The following CCL4L2 variants were observed in gnomAD, a reference collection of about 807,000 sequenced individuals.
CCL4L2 encodes the protein C-C motif chemokine ligand 4 like 2.
A neutral mutation model predicts 5.9 loss-of-function variants in CCL4L2; 3 were observed. That is an observed-to-expected ratio of 0.51 (90% CI 0.23 to 1.32). CCL4L2 has a LOEUF of 1.32. Ranked by LOEUF, CCL4L2 falls within the 40% of genes most tolerant of loss-of-function variation. CCL4L2 has a pLI of 0.18. For missense variants in CCL4L2, 74 were observed against 121.2 expected (o/e 0.61, Z 1.83); for synonymous variants, 36 against 47.6 (o/e 0.76, Z 1.00).
chr17:36,211,978 G>GC, intron 2 of CCL4L2, 88 bp downstream of exon 2: 1 of 1,408,612 alleles, frequency 7.1e-7, no homozygotes, highest in Non-Finnish European at 1.0e-6. Flanking sequence ...GGTGATGAGC[G>GC]TTGGGGAGGC....
chr17:36,212,039 AACTC>A (rs1268452584), intron 2 of CCL4L2, 149 bp downstream of exon 2: 1 of 1,011,006 alleles, frequency 9.9e-7, no homozygotes, highest in African/African-American at 1.4e-5. Flanking sequence ...ACAGGTCATG[AACTC>A]ACTTTTCAAG....
chr17:36,212,721 G>A lies in CCL4L2; in HGVS notation c.*298G>A. 1.0e-6 allele frequency: 1 copy of A among 986,474 alleles called. No homozygotes were observed. Among genetic ancestry groups the A allele is most frequent in the Non-Finnish European group, 1.6e-6 (1 of 639,296 alleles). 61.1% of individuals were successfully genotyped at this position (986,474 alleles called of 1,614,324 possible). ...TTTATGTGCTGTATTATTGTATTAGGTGTTATTTCCATTATTTATATTAGT... is the reference window on the plus strand; with the variant it reads ...TTTATGTGCTGTATTATTGTATTAGATGTTATTTCCATTATTTATATTAGT... On this transcript the variant is annotated 3_prime_UTR_variant, in exon 3 of 3. Coordinates refer to ENST00000617405, the MANE Select transcript of CCL4L2 (RefSeq NM_001291475.2).
chr17:36,212,473 G>T lies in CCL4L2; in HGVS notation c.*50G>T, dbSNP rs565571880. 6.3e-7 allele frequency: 1 copy of T among 1,581,382 alleles called. No individual in the cohort carries two copies. Among genetic ancestry groups the T allele is most frequent in the African/African-American group, 1.3e-5 (1 of 74,856 alleles). Reference sequence around the variant, plus strand: ...TGGGATTCTAATCTGTCTGCTCCTTGTTCTACGGATTCCAAACCAAAAGAG... The same window carrying T: ...TGGGATTCTAATCTGTCTGCTCCTTTTTCTACGGATTCCAAACCAAAAGAG... On this transcript the variant is annotated 3_prime_UTR_variant, in exon 3 of 3. Transcript: ENST00000617405.
In CCL4L2 at chr17:36,211,161, T is replaced by G; in HGVS notation, c.20T>G (p.Val7Gly). The G allele has an allele frequency of 1.9e-6, 3 of 1,581,738 alleles. No individual in the cohort carries two copies. The South Asian group carries it at 3.4e-5, about 18-fold the overall frequency. ...AATACCATGAAGCTCTGCGTGACTG[T>G]CCTGTCTCTCCTCGTGCTAGTAGCT... is the stretch of plus-strand genomic sequence containing the variant. Residue 7 changes from valine to glycine, a missense_variant, in exon 1 of 3, where the codon GTC becomes GGC. Val to Gly is a moderately radical substitution (Grantham distance 109, BLOSUM62 -3). Transcript: ENST00000617405.
intron 1 of CCL4L2, 131 bp downstream of exon 1, chr17:36,211,348 C>A (rs1462196508): frequency 8.6e-7 from 1 of 1,160,078 alleles, no homozygotes; most frequent in Non-Finnish European, 1.3e-6. Flanking sequence ...ATGTAGTCTG[C>A]TGCTAAATGT....
intron 2 of CCL4L2, 68 bp downstream of exon 2, chr17:36,211,958 T>C (rs1940132417): frequency 6.6e-7 from 1 of 1,504,502 alleles, no homozygotes; most frequent in African/African-American, 1.3e-5. Flanking sequence ...GGGGCCTGTT[T>C]TGGGGAGGGG....
chr17:36,212,007 C>G lies in CCL4L2; in HGVS notation c.191+117C>G, dbSNP rs536289013. On this transcript the variant is annotated intron_variant, in intron 2 of 2. Transcript: ENST00000617405. ...GGGAGGCAGCTCTCAGGGCTGAAGC[C>G]TTCCCTGACAGCAGTGAGGTCACAG... 19 of 1,213,304 alleles carry G rather than the reference C, an allele frequency of 1.6e-5. 1 individual carries two copies. In the South Asian group the frequency reaches 2.4e-4, roughly 15 times the overall value. The allele number at this position is 1,213,304 out of a possible 1,614,324, so 75.2% of individuals were successfully genotyped here.
chr17:36,212,320 G>C lies in CCL4L2; in HGVS notation c.209G>C (p.Gly70Ala), dbSNP rs1438842833. The stretch of plus-strand genomic sequence containing the variant: ...AAATCCAGTGAGTGGAAGTTACAGG[G>C]AGTCTGCTTCCAGTGCTGCTCCGGG... The change falls in exon 3 of 3, where the codon GGA becomes GCA. Residue 70 changes from glycine (G) to alanine (A), a missense_variant. Gly to Ala is a moderately conservative substitution (Grantham distance 60). Coordinates refer to ENST00000617405, the MANE Select transcript of CCL4L2 (RefSeq NM_001291475.2). 2.1e-6 allele frequency: 2 copies of C among 952,434 alleles called. No homozygotes were observed. The highest frequency in any genetic ancestry group is 3.4e-6 in the Non-Finnish European group (2 of 587,366). The allele number at this position is 952,434 out of a possible 1,614,324, so 59.0% of individuals were successfully genotyped here. A position where few individuals can be genotyped will look rare whatever the true frequency, so the allele number is the denominator to read the frequency against.
In CCL4L2 at chr17:36,212,580, G is replaced by T; in HGVS notation, c.*157G>T. On this transcript the variant is annotated 3_prime_UTR_variant, in exon 3 of 3. Transcript: ENST00000617405. ...CTGGAACTGAACTGAGCTGCTCAGA[G>T]ACAGGAAGTCTTCAGGGAAGGTCAC... 1 of 1,581,474 alleles carries T rather than the reference G, an allele frequency of 6.3e-7. No individual in the cohort carries two copies. Among genetic ancestry groups the T allele is most frequent in the Non-Finnish European group, 8.6e-7 (1 of 1,156,478 alleles).
intron 2 of CCL4L2, 55 bp downstream of exon 2, chr17:36,211,945 A>C: frequency 2.6e-6 from 4 of 1,534,988 alleles, no homozygotes; most frequent in Non-Finnish European, 3.6e-6. Context: ...TGGATTTTTA[A>C]AGGGGGCCTG....
intron 1 of CCL4L2, 186 bp from the exon 2 acceptor site, chr17:36,211,590 C>T (rs1181953858): frequency 3.5e-5 from 26 of 749,774 alleles, no homozygotes; most frequent in Non-Finnish European, 5.5e-5. Flanking sequence ...ATTTCTTTCT[C>T]GTTCTTCTCT....
At position 36,212,496 on chromosome 17, in the gene CCL4L2, G is replaced by C; in HGVS notation, c.*73G>C. Reference sequence around the variant, plus strand: ...TTGTTCTACGGATTCCAAACCAAAAGAGGCAAGCAAGTCTGCGCTGACCCC... The same window carrying C: ...TTGTTCTACGGATTCCAAACCAAAACAGGCAAGCAAGTCTGCGCTGACCCC... On this transcript the variant is annotated 3_prime_UTR_variant, in exon 3 of 3. Transcript: ENST00000617405. 1 of 1,581,394 alleles carries C rather than the reference G, an allele frequency of 6.3e-7. No homozygotes were observed. Among genetic ancestry groups the C allele is most frequent in the Admixed American group, 1.7e-5 (1 of 59,112 alleles).
chr17:36,212,040 A>T (rs1220924606), intron 2 of CCL4L2, 150 bp downstream of exon 2: 2 of 1,002,038 alleles, frequency 2.0e-6, no homozygotes, highest in East Asian at 4.9e-5. Flanking sequence ...CAGGTCATGA[A>T]CTCACTTTTC....
rs1261754595 is a variant in CCL4L2 at position 36,211,218 on chromosome 17, G to C, written c.76+1G>C. The C allele has an allele frequency of 6.3e-7, 1 of 1,581,190 alleles. No individual in the cohort carries two copies. The stretch of plus-strand genomic sequence containing the variant: ...TGCTCTCTAGCACTCTCAGCACCAA[G>C]TAAGTCTACTTTTGCAGCTGCTATT... On this transcript the variant is annotated splice_donor_variant, in intron 1 of 2. Transcript: ENST00000617405. LOFTEE classifies it high-confidence loss of function.
Position 36,212,450 on chromosome 17 carries a change from G to T in CCL4L2, c.*27G>T. 1.3e-6 allele frequency: 2 copies of T among 1,580,016 alleles called. No individual in the cohort carries two copies. Among genetic ancestry groups the T allele is most frequent in the Non-Finnish European group, 1.7e-6 (2 of 1,155,220 alleles). Reference sequence around the variant, plus strand: ...GCCAGATGACCTCAAAGGTCCCATGGGATTCTAATCTGTCTGCTCCTTGTT... The same window carrying T: ...GCCAGATGACCTCAAAGGTCCCATGTGATTCTAATCTGTCTGCTCCTTGTT... On this transcript the variant is annotated 3_prime_UTR_variant, in exon 3 of 3. Transcript: ENST00000617405.
intron 1 of CCL4L2, 134 bp downstream of exon 1, chr17:36,211,351 C>T: frequency 2.6e-6 from 3 of 1,139,954 alleles, no homozygotes; most frequent in South Asian, 2.5e-5. Flanking sequence ...TAGTCTGCTG[C>T]TAAATGTAGA....
In CCL4L2 at chr17:36,211,861, C is replaced by T. The variant is rs760328517; in HGVS notation, c.162C>T (p.Thr54=). Reference sequence around the variant, plus strand: ...ACTTTGTGGTAGATTACTATGAGACCAGCAGCCTCTGCTCCCAGCCAGCTG... The same window carrying T: ...ACTTTGTGGTAGATTACTATGAGACTAGCAGCCTCTGCTCCCAGCCAGCTG... Residue 54 remains threonine, a synonymous_variant, in exon 2 of 3, where the codon ACC becomes ACT. Transcript: ENST00000617405. The T allele has an allele frequency of 6.3e-7, 1 of 1,578,326 alleles. No homozygotes were observed. Among genetic ancestry groups the T allele is most frequent in the African/African-American group, 1.4e-5 (1 of 73,752 alleles).
At chr17:36,212,002 G>GGATTTTT in intron 2 of CCL4L2, 112 bp downstream of exon 2, 1 of 1,256,904 alleles carries the variant, frequency 8.0e-7, no homozygotes, top group Non-Finnish European at 1.2e-6. Context: ...TCTCAGGGCT[G>GGATTTTT]AAGCCTTCCC....
In CCL4L2 at chr17:36,211,363, T is replaced by A; in HGVS notation, c.76+146T>A. On this transcript the variant is annotated intron_variant, in intron 1 of 2. Coordinates refer to ENST00000617405, the MANE Select transcript of CCL4L2 (RefSeq NM_001291475.2). ...ATGTAGTCTGCTGCTAAATGTAGAGTCTAGTAGATATTCAGTAACATTCAA... is the reference window on the plus strand; with the variant it reads ...ATGTAGTCTGCTGCTAAATGTAGAGACTAGTAGATATTCAGTAACATTCAA... 4.7e-6 allele frequency: 5 copies of A among 1,069,074 alleles called. 1 individual carries two copies. Among genetic ancestry groups the A allele is most frequent in the Non-Finnish European group, 7.3e-6 (5 of 681,786 alleles). The allele number at this position is 1,069,074 out of a possible 1,614,324, so 66.2% of individuals were successfully genotyped here. A position where few individuals can be genotyped will look rare whatever the true frequency, so the allele number is the denominator to read the frequency against.
Sources: gnomAD v4.1 joint callset for allele counts on GRCh38, gnomAD v4.1.1 for gene constraint, MANE v1.5 for transcripts, NCBI Gene and HGNC (gene_info 2026-07-23, HGNC 2026-07-21) for gene names.